The following USP22 variants were observed in gnomAD, a reference collection of about 807,000 sequenced individuals.
USP22 encodes the protein ubiquitin specific peptidase 22.
In USP22, 22 loss-of-function variants were observed where a neutral mutation model predicts 68.1. The ratio of observed to expected loss-of-function variants is 0.32; its 90% CI spans 0.23 to 0.46. USP22 has a LOEUF of 0.46. USP22 is among the 20% of genes least tolerant of loss of function. The pLI is 1.00. For synonymous variants in USP22, 279 were observed against 274.2 expected (o/e 1.02, Z -0.17); for missense variants, 433 against 695.8 (o/e 0.62, Z 4.25).
intron 3 of USP22, among the ~76,000 whole-genome samples, chr17:21,020,244 C>CAAAAAAAAAAAAAAAACAAAAAAA (rs1972136682): frequency 1.4e-5 from 1 of 73,252 alleles, no homozygotes; most frequent in Non-Finnish European, 2.5e-5. Flanking sequence ...AATCAAAAAC[C>CAAAAAAAAAAAAAAAACAAAAAAA]AAAAAAAAAA....
chr17:21,042,951 G>A lies in USP22; in HGVS notation c.-116C>T. On this transcript the variant is annotated 5_prime_UTR_variant, in exon 1 of 13. Transcript: ENST00000261497. ...AGGCTGGCCAAGGCCCGGGCGCCGA[G>A]AACAAAGCGCGGAGGCCGGACAAAG... is the stretch of plus-strand genomic sequence containing the variant. 1.6e-6 allele frequency: 1 copy of A among 622,328 alleles called. No individual in the cohort carries two copies. Among genetic ancestry groups the A allele is most frequent in the Non-Finnish European group, 2.2e-6 (1 of 445,270 alleles). 38.6% of individuals were successfully genotyped at this position (622,328 alleles called of 1,614,324 possible).
chr17:21,012,203 G>A (rs1392554228), intron 7 of USP22, among the ~76,000 whole-genome samples: 3 of 152,102 alleles, frequency 2.0e-5, no homozygotes, highest in African/African-American at 4.8e-5. Flanking sequence ...AGGGAGGATC[G>A]CTTGAGCCCA....
intron 3 of USP22, among the ~76,000 whole-genome samples, chr17:21,020,569 CCAAA>C (rs1397278500): frequency 1.3e-5 from 2 of 152,180 alleles, no homozygotes; most frequent in African/African-American, 4.8e-5. Flanking sequence ...TTAACATCAC[CCAAA>C]CAGTCCAGAG....
At chr17:21,015,562 T>G in intron 6 of USP22, 190 bp downstream of exon 6, 1 of 751,032 alleles carries the variant, frequency 1.3e-6, no homozygotes, top group East Asian at 3.2e-5. Flanking sequence ...AAAAATAAAC[T>G]AGGAGGAGCC....
intron 3 of USP22, 121 bp from the exon 4 acceptor site, chr17:21,019,306 C>G: frequency 1.1e-6 from 1 of 911,686 alleles, no homozygotes; most frequent in Non-Finnish European, 1.8e-6. Flanking sequence ...GCAACATCCA[C>G]AGCACCAGGG....
At chr17:21,003,373 C>T (rs1183467055) in intron 12 of USP22, among the ~76,000 whole-genome samples, 1 of 152,216 alleles carries the variant, frequency 6.6e-6, no homozygotes, top group Non-Finnish European at 1.5e-5. Context: ...TGTGCAGAGC[C>T]CACTGTTTTC....
chr17:21,042,690 C>A lies in USP22; in HGVS notation c.146G>T (p.Gly49Val), dbSNP rs778758482. The change falls in exon 1 of 13, where the codon GGC becomes GTC. Residue 49 changes from glycine to valine, a missense_variant. Around this residue, in one of 4 missense-constraint regions of USP22, gnomAD observed 110 missense variants for 89.9 expected, o/e 1.22. Coordinates refer to ENST00000261497, the MANE Select transcript of USP22 (RefSeq NM_015276.2). ...CTTGCGCTTGCGGGCCTCAGCCGTG[C>A]CGCTCCACACGAAGCACTGGTAGAT... Reference protein sequence around the residue: ...RAIYQCFVWSGTAEARKRKAK... With the variant: ...RAIYQCFVWSVTAEARKRKAK... 1.5e-6 allele frequency: 2 copies of A among 1,367,328 alleles called. No individual in the cohort carries two copies. The highest frequency in any genetic ancestry group is 2.9e-5 in the Admixed American group (1 of 34,882). The allele number at this position is 1,367,328 out of a possible 1,614,324, so 84.7% of individuals were successfully genotyped here.
intron 1 of USP22, among the ~76,000 whole-genome samples, chr17:21,038,279 G>A (rs965511305): frequency 6.6e-6 from 1 of 151,500 alleles, no homozygotes; most frequent in Non-Finnish European, 1.5e-5. Context: ...TCAGGAAAAT[G>A]AGCTAGACTA....
chr17:21,034,658 T>C (rs1478213019), intron 1 of USP22, among the ~76,000 whole-genome samples: 2 of 152,132 alleles, frequency 1.3e-5, no homozygotes, highest in Non-Finnish European at 2.9e-5. Flanking sequence ...TTGGTAGCTG[T>C]CTTGCTGATC....
In USP22 at chr17:21,028,683, C is replaced by G. The variant is rs1567591658; in HGVS notation, c.172-9G>C. The G allele has an allele frequency of 6.2e-7, 1 of 1,613,328 alleles. No individual in the cohort carries two copies. Among genetic ancestry groups the G allele is most frequent in the Non-Finnish European group, 8.5e-7 (1 of 1,179,884 alleles). On this transcript the variant is annotated splice_polypyrimidine_tract_variant and intron_variant, in intron 1 of 12. Coordinates refer to ENST00000261497, the MANE Select transcript of USP22 (RefSeq NM_015276.2). Reference sequence around the variant, plus strand: ...CAGATACAGGACTTGGCCTGAAATTCAGAGAAGAGGAGGAGTGAACGCTGT... The same window carrying G: ...CAGATACAGGACTTGGCCTGAAATTGAGAGAAGAGGAGGAGTGAACGCTGT...
chr17:21,016,779 G>T (rs528916427), intron 5 of USP22, among the ~76,000 whole-genome samples: 1 of 152,328 alleles, frequency 6.6e-6, no homozygotes, highest in Non-Finnish European at 1.5e-5. Context: ...GGGACTGGGG[G>T]TTGACTTCGG....
chr17:21,040,841 A>G (rs5005801), intron 1 of USP22, among the ~76,000 whole-genome samples: 112,958 of 151,394 alleles, frequency 0.75, 42,612 homozygotes, highest in South Asian at 0.82. Flanking sequence ...GACCCAGAGT[A>G]GCAACAGCAC....
At chr17:21,023,714 C>G (rs1184075710) in intron 2 of USP22, among the ~76,000 whole-genome samples, 1 of 151,590 alleles carries the variant, frequency 6.6e-6, no homozygotes. Flanking sequence ...ACCCGGGAGG[C>G]AGCGAAGCAC....
intron 5 of USP22, among the ~76,000 whole-genome samples, chr17:21,016,407 C>T (rs2054464): frequency 0.19 from 28,832 of 152,234 alleles, 3,452 homozygotes; most frequent in South Asian, 0.28. Flanking sequence ...CCCAGCAGCA[C>T]ACCTTCCATC....
chr17:21,015,249 T>A (rs918289683), intron 6 of USP22, among the ~76,000 whole-genome samples: 1 of 152,224 alleles, frequency 6.6e-6, no homozygotes, highest in African/African-American at 2.4e-5. Context: ...TTGGGGGAGA[T>A]GGCCCAGGTC....
chr17:21,017,604 C>A (rs147546525), intron 5 of USP22, among the ~76,000 whole-genome samples: 1 of 152,118 alleles, frequency 6.6e-6, no homozygotes, highest in Non-Finnish European at 1.5e-5. Context: ...GTGACACATG[C>A]GTGCCTTTCT....
chr17:21,040,118 T>C (rs867953811), intron 1 of USP22, among the ~76,000 whole-genome samples: 8 of 152,280 alleles, frequency 5.3e-5, no homozygotes, highest in South Asian at 4.1e-4. Flanking sequence ...GAGGCTGCAG[T>C]GATCACTGAC....
At chr17:21,020,993 G>A (rs1424822162) in intron 3 of USP22, 120 bp downstream of exon 3, 55 of 746,288 alleles carry the variant, frequency 7.4e-5, no homozygotes, top group Non-Finnish European at 1.2e-4. Context: ...GGTGGGGACG[G>A]CCTCTTCCCA....
chr17:21,035,182 C>G (rs996840018), intron 1 of USP22, among the ~76,000 whole-genome samples: 9 of 152,180 alleles, frequency 5.9e-5, no homozygotes, highest in African/African-American at 2.2e-4. Flanking sequence ...GGGGAGCAAT[C>G]ACATTATCCT....
Sources: allele counts gnomAD v4.1 joint callset (sites outside exome capture counted in the v4.1 genomes callset), GRCh38; gene constraint gnomAD v4.1.1; regional missense constraint gnomAD v4.1.1; transcripts MANE v1.5; gene names NCBI Gene and HGNC (gene_info 2026-07-23, HGNC 2026-07-21).